The following FCER2 variants were observed in gnomAD, a reference collection of about 807,000 sequenced individuals.
The protein encoded by FCER2 is Fc epsilon receptor II.
FCER2 carries 38 observed loss-of-function variants against 49.7 expected under a neutral mutation model. The ratio of observed to expected loss-of-function variants is 0.76; its 90% CI spans 0.59 to 1.00. FCER2 has a LOEUF of 1.00. Ranked by LOEUF, FCER2 falls within the 50% of genes least tolerant of loss-of-function variation. FCER2 has a pLI of 0.00. For missense variants in FCER2, 425 were observed against 419.5 expected, an observed-to-expected ratio of 1.01 and a Z score of -0.11; for synonymous variants, 163 against 164.6, an observed-to-expected ratio of 0.99 and a Z score of 0.07.
chr19:7,698,438 GA>G (rs1280451489), intron 3 of FCER2, 29 bp from the exon 4 acceptor site: 4 of 1,572,988 alleles, frequency 2.5e-6, no homozygotes, highest in African/African-American at 1.3e-5. Flanking sequence ...GAGGAGTGGA[GA>G]GGGGGGATTG....
At chr19:7,692,895 A>G (rs2032920631) in intron 8 of FCER2, among the ~76,000 whole-genome samples, 1 of 151,966 alleles carries the variant, frequency 6.6e-6, no homozygotes, top group African/African-American at 2.4e-5. Context: ...TTCAACCACC[A>G]TCATCACCAC....
At chr19:7,694,933 C>T (rs762411915) in intron 8 of FCER2, among the ~76,000 whole-genome samples, 4 of 152,176 alleles carry the variant, frequency 2.6e-5, no homozygotes, top group Non-Finnish European at 4.4e-5. Context: ...CTCCTGGGCT[C>T]AGGTGATCCT....
rs2033117668 is a variant in FCER2, at chr19:7,699,920, T to C, written c.-85-75A>G. ...CCAGCACAGGATAGCATCTGGGACT[T>C]GGTGGCACTCAGGGGCCATTTGCTG... On this transcript the variant is annotated intron_variant, in intron 1 of 10. Transcript: ENST00000597921. 4.2e-6 allele frequency: 3 copies of C among 708,566 alleles called. No individual in the cohort carries two copies. In the Admixed American group the frequency reaches 6.8e-5, roughly 16 times the overall value. 43.9% of individuals were successfully genotyped at this position (708,566 alleles called of 1,614,324 possible).
intron 8 of FCER2, among the ~76,000 whole-genome samples, chr19:7,696,290 G>A (rs1482150012): frequency 2.0e-5 from 3 of 151,966 alleles, no homozygotes; most frequent in Non-Finnish European, 4.4e-5. Flanking sequence ...AGTAGAGATG[G>A]GGGTTTCATC....
At chr19:7,697,995 C>G (rs922214444) in intron 4 of FCER2, among the ~76,000 whole-genome samples, 1 of 152,148 alleles carries the variant, frequency 6.6e-6, no homozygotes, top group Non-Finnish European at 1.5e-5. Context: ...TACAATGGCT[C>G]GACTTTACAA....
Position 7,697,288 on chromosome 19 carries a change from A to T in FCER2, c.264T>A (p.Ile88=), listed in dbSNP as rs567385173. ...CTCGAAGTTCCTCCAGTTCCTGTGA[A>T]ATCTGCGTGGCTGTTTGCAGGGGAG... ...QMAQKSQSTQ[I]SQELEELRAE... The change falls in exon 6 of 11, where the codon ATT becomes ATA. Residue 88 remains isoleucine (I), a synonymous_variant. Coordinates refer to ENST00000597921, the MANE Select transcript of FCER2 (RefSeq NM_001220500.2). The T allele has an allele frequency of 1.9e-5, 30 of 1,614,134 alleles. No homozygotes were observed. The South Asian group carries it at 3.1e-4, about 17-fold the overall frequency.
At chr19:7,689,824 G>A (rs1341989920) in intron 10 of FCER2, among the ~76,000 whole-genome samples, 3 of 151,998 alleles carry the variant, frequency 2.0e-5, no homozygotes, top group African/African-American at 7.3e-5. Context: ...TCGCCATGTT[G>A]ACCAGGATGG....
chr19:7,699,537 G>T, intron 2 of FCER2: 1 of 1,370,238 alleles, frequency 7.3e-7, no homozygotes, highest in South Asian at 1.4e-5. Context: ...GAAAAAGGAG[G>T]GGCCCTCAAT....
In FCER2 at chr19:7,697,282, C is replaced by G. The variant is rs754102526; in HGVS notation, c.270G>C (p.Gln90His). ...AQKSQSTQIS[Q>H]ELEELRAEQQ... ...GTTCAGCTCGAAGTTCCTCCAGTTC[C>G]TGTGAAATCTGCGTGGCTGTTTGCA... The change falls in exon 6 of 11, where the codon CAG (glutamine) becomes CAC (histidine). Residue 90 changes from glutamine to histidine, a missense_variant. Coordinates refer to ENST00000597921, the MANE Select transcript of FCER2 (RefSeq NM_001220500.2). The G allele has an allele frequency of 6.2e-7, 1 of 1,614,190 alleles. No homozygotes were observed. The highest frequency in any genetic ancestry group is 8.5e-7 in the Non-Finnish European group (1 of 1,180,028).
At chr19:7,699,336 T>C (rs1473423306) in intron 2 of FCER2, 3 of 1,207,048 alleles carry the variant, frequency 2.5e-6, no homozygotes, top group Admixed American at 2.3e-5. Context: ...CAAAGGTCTA[T>C]CTGGATGTCC....
intron 1 of FCER2, 91 bp from the exon 2 acceptor site, chr19:7,699,936 C>T (rs990958360): frequency 6.1e-6 from 4 of 654,006 alleles, no homozygotes; most frequent in Non-Finnish European, 1.1e-5. Flanking sequence ...CACTCAGGGG[C>T]CATTTGCTGA....
chr19:7,699,550 G>T (rs12980031), intron 2 of FCER2, 189 bp downstream of exon 2: 980,300 of 1,286,234 alleles, frequency 0.76, 372,679 homozygotes, highest in East Asian at 0.88. Flanking sequence ...CCCTCAATTT[G>T]CCACTCCTTC....
rs542445357 is a variant in FCER2 at position 7,696,869 on chromosome 19, C to T, written c.425G>A (p.Arg142Gln). The T allele has an allele frequency of 5.0e-6, 8 of 1,587,412 alleles. No homozygotes were observed. The Admixed American group carries it at 7.2e-5, about 14-fold the overall frequency. ...CATCCTTAGCTTTGTCACCTCCTCC[C>T]GGAGTCTTTCCAGCAAATCTGAAGC... ...NEASDLLERL[R>Q]EEVTKLRMEL... The change falls in exon 8 of 11, where the codon CGG becomes CAG. Residue 142 changes from arginine to glutamine, a missense_variant. Transcript: ENST00000597921.
intron 8 of FCER2, among the ~76,000 whole-genome samples, chr19:7,693,116 G>A (rs1010182604): frequency 6.6e-6 from 1 of 152,134 alleles, no homozygotes; most frequent in Non-Finnish European, 1.5e-5. Flanking sequence ...CACCAGCCGT[G>A]TCTTCATCAC....
intron 1 of FCER2, 86 bp downstream of exon 1, chr19:7,701,929 C>T (rs1480761385): frequency 6.7e-6 from 1 of 149,038 alleles, no homozygotes; most frequent in African/African-American, 2.5e-5. Flanking sequence ...CTGGTCATCC[C>T]TTGAGGCTCA....
chr19:7,690,451 G>A lies in FCER2; in HGVS notation c.576C>T (p.Asp192=), dbSNP rs144440869. 377 of 1,614,058 alleles carry A rather than the reference G, an allele frequency of 2.3e-4. No homozygotes were observed. In the African/African-American group the frequency reaches 3.9e-3, roughly 17 times the overall value. ...TGCTGACCAGCTGCCCTTCCATGTC[G>A]TCACAGGCATACCGGGCGTGGACCC... The part of the protein sequence containing the change: ...KQWVHARYAC[D]DMEGQLVSIH... Residue 192 remains aspartate, a synonymous_variant, in exon 9 of 11, where the codon GAC becomes GAT. Coordinates refer to ENST00000597921, the MANE Select transcript of FCER2 (RefSeq NM_001220500.2).
At chr19:7,697,621 G>C (rs770843577) in intron 4 of FCER2, 32 bp from the exon 5 acceptor site, 2 of 1,602,422 alleles carry the variant, frequency 1.2e-6, no homozygotes, top group South Asian at 1.1e-5. Context: ...GATATCCCAG[G>C]AACCTCAAAG....
At chr19:7,699,383 T>C (rs2033102650) in intron 2 of FCER2, 1 of 1,358,516 alleles carries the variant, frequency 7.4e-7, no homozygotes, top group South Asian at 1.2e-5. Flanking sequence ...TCACCCTGGC[T>C]TGGAGGATTC....
At position 7,690,441 on chromosome 19, in the gene FCER2, C is replaced by T. The variant is rs758952802; in HGVS notation, c.586G>A (p.Gly196Arg). Residue 196 changes from glycine to arginine, a missense_variant, in exon 9 of 11, where the codon GGG (glycine) becomes AGG (arginine). Transcript: ENST00000597921. Reference sequence around the variant, plus strand: ...GGGCTGTGGATGCTGACCAGCTGCCCTTCCATGTCGTCACAGGCATACCGG... The same window carrying T: ...GGGCTGTGGATGCTGACCAGCTGCCTTTCCATGTCGTCACAGGCATACCGG... ...HARYACDDME[G>R]QLVSIHSPEE... is the part of the protein sequence containing the mutation. 133 of 1,613,982 alleles carry T rather than the reference C, an allele frequency of 8.2e-5. No homozygotes were observed. Among genetic ancestry groups the T allele is most frequent in the Non-Finnish European group, 1.1e-4 (124 of 1,179,966 alleles).
Sources: gnomAD v4.1 joint callset for allele counts (sites outside exome capture counted in the v4.1 genomes callset) on GRCh38, gnomAD v4.1.1 for gene constraint, MANE v1.5 for transcripts, NCBI Gene and HGNC (gene_info 2026-07-23, HGNC 2026-07-21) for gene names.